Variants in RBL2 observed in about 807,000 individuals in gnomAD.
The protein encoded by RBL2 is RB transcriptional corepressor like 2, also known as retinoblastoma-like protein 2.
Under a neutral mutation model 126.0 loss-of-function variants are expected in RBL2, and 56 were observed. The observed-to-expected ratio is 0.44, with a 90% CI of 0.36 to 0.56. RBL2 has a LOEUF of 0.56. Ranked by LOEUF, RBL2 falls within the 20% of genes least tolerant of loss-of-function variation. The pLI, the probability that RBL2 is intolerant of heterozygous loss-of-function variation, is 0.00. For synonymous variants in RBL2, 454 were observed against 478.5 expected (o/e 0.95, Z 0.67); for missense variants, 1,229 against 1,398.2 (o/e 0.88, Z 1.93).
rs1217172979 is a variant in RBL2 at position 53,479,873 on chromosome 16, T to C, written c.2776-13T>C. 6.5e-7 allele frequency: 1 copy of C among 1,537,426 alleles called. No individual in the cohort carries two copies. On this transcript the variant is annotated splice_polypyrimidine_tract_variant and intron_variant, in intron 18 of 21. Transcript: ENST00000262133. ...ATACTAGTTTATGTCCCCTTCTCAT[T>C]GTTTCTCTAAAGGTGTATAGAAGTG...
intron 15 of RBL2, 83 bp downstream of exon 15, chr16:53,470,268 AG>A: frequency 6.4e-7 from 1 of 1,558,028 alleles, no homozygotes; most frequent in Non-Finnish European, 8.7e-7. Context: ...AGAGTGACAT[AG>A]GGGACAGAGG....
chr16:53,443,410 G>T (rs1478084550), intron 3 of RBL2: 1 of 152,112 alleles, frequency 6.6e-6, no homozygotes, highest in Non-Finnish European at 1.5e-5. Flanking sequence ...GTCAAACTGA[G>T]TAATAAATAA....
chr16:53,440,953 C>CTTTTTTTTT (rs1178378934), intron 2 of RBL2, among the ~76,000 whole-genome samples: 42 of 71,660 alleles, frequency 5.9e-4, no homozygotes, highest in Non-Finnish European at 7.2e-4. Flanking sequence ...TTTTTCAGTT[C>CTTTTTTTTT]TTTTTTTTTT....
At chr16:53,483,223 A>G (rs1477046342) in intron 21 of RBL2, among the ~76,000 whole-genome samples, 1 of 152,186 alleles carries the variant, frequency 6.6e-6, no homozygotes. Flanking sequence ...TGCTCAGTGT[A>G]CTATTTTTTT....
rs764115557 is a variant in RBL2, at chr16:53,479,896, G to C, written c.2786G>C (p.Ser929Thr). The C allele has an allele frequency of 5.0e-6, 8 of 1,599,472 alleles. No individual in the cohort carries two copies. In the Middle Eastern group the frequency reaches 6.7e-4, roughly 133 times the overall value. ...ATTGTTTCTCTAAAGGTGTATAGAAGTGTTTTGATAAAAGGGAAAAGAAAA... is the reference window on the plus strand; with the variant it reads ...ATTGTTTCTCTAAAGGTGTATAGAACTGTTTTGATAAAAGGGAAAAGAAAA... Reference protein sequence around the residue: ...QPQARSQVYRSVLIKGKRKRR... With the variant: ...QPQARSQVYRTVLIKGKRKRR... The change falls in exon 19 of 22, where the codon AGT becomes ACT. Residue 929 changes from serine (S) to threonine (T), a missense_variant. Ser to Thr is a moderately conservative substitution (Grantham distance 58). This residue lies in a region of RBL2 where 1,070 missense variants were observed against 1,274.3 expected (regional missense o/e 0.84). Transcript: ENST00000262133.
chr16:53,469,317 T>TA (rs910861880), intron 14 of RBL2, among the ~76,000 whole-genome samples: 1 of 152,212 alleles, frequency 6.6e-6, no homozygotes, highest in African/African-American at 2.4e-5. Flanking sequence ...TAAACTGTTT[T>TA]AAAAAAATAA....
chr16:53,442,742 A>G lies in RBL2; in HGVS notation c.456A>G (p.Leu152=), dbSNP rs777685995. 1.9e-6 allele frequency: 3 copies of G among 1,613,420 alleles called. No individual in the cohort carries two copies. Among genetic ancestry groups the G allele is most frequent in the Non-Finnish European group, 2.5e-6 (3 of 1,179,338 alleles). Residue 152 remains leucine, a synonymous_variant, in exon 3 of 22, where the codon TTA becomes TTG. Coordinates refer to ENST00000262133, the MANE Select transcript of RBL2 (RefSeq NM_005611.4). ...PPHFRERTER[L]ERNFTVSAVI... ...ATTTCAGAGAACGTACTGAGAGATT[A>G]GAAAGAAACTTCACTGTTTCTGCTG...
chr16:53,449,959 T>C (rs1327948845), intron 4 of RBL2, among the ~76,000 whole-genome samples: 1 of 71,070 alleles, frequency 1.4e-5, no homozygotes, highest in Admixed American at 1.4e-4. Flanking sequence ...CAGTACTGCC[T>C]TTTTTTTTTT....
intron 20 of RBL2, 73 bp downstream of exon 20, chr16:53,480,842 G>A: frequency 6.9e-7 from 1 of 1,443,716 alleles, no homozygotes; most frequent in Non-Finnish European, 9.6e-7. Flanking sequence ...ATTTATATAT[G>A]GACCATTCAC....
Position 53,467,208 on chromosome 16 carries a change from T to G in RBL2, c.1975+39T>G, listed in dbSNP as rs370158675. The stretch of plus-strand genomic sequence containing the variant: ...ACTAGGAGAATATTTTGGGGCTTAC[T>G]ATCTGGAAATTTAAATTTCATCTAA... On this transcript the variant is annotated intron_variant, in intron 14 of 21. Transcript: ENST00000262133. 59 of 1,503,088 alleles carry G rather than the reference T, an allele frequency of 3.9e-5. No individual in the cohort carries two copies. In the African/African-American group the frequency reaches 7.1e-4, roughly 18 times the overall value. 93.1% of individuals were successfully genotyped at this position (1,503,088 alleles called of 1,614,324 possible).
At chr16:53,481,600 CAAT>C (rs1960948776) in intron 20 of RBL2, 68 bp from the exon 21 acceptor site, 6 of 1,332,020 alleles carry the variant, frequency 4.5e-6, no homozygotes, top group Non-Finnish European at 5.0e-6. Flanking sequence ...CCTCTTCACT[CAAT>C]AATCATTTTC....
At chr16:53,467,640 G>A (rs1413569616) in intron 14 of RBL2, among the ~76,000 whole-genome samples, 2 of 152,242 alleles carry the variant, frequency 1.3e-5, no homozygotes, top group Non-Finnish European at 2.9e-5. Context: ...CGCCTACCTC[G>A]TTCTCCCAAA....
chr16:53,474,641 G>T (rs947911468), intron 17 of RBL2, among the ~76,000 whole-genome samples: 2 of 152,104 alleles, frequency 1.3e-5, no homozygotes, highest in Non-Finnish European at 2.9e-5. Context: ...ATGTTGCTAG[G>T]TTTGGTTTGC....
intron 3 of RBL2, among the ~76,000 whole-genome samples, chr16:53,444,889 A>G (rs183573540): frequency 9.8e-5 from 15 of 152,338 alleles, no homozygotes; most frequent in East Asian, 5.8e-4. Context: ...AAGTTTGAAT[A>G]GAAGCTTTGT....
intron 9 of RBL2, among the ~76,000 whole-genome samples, chr16:53,461,434 G>A (rs1485019666): frequency 6.6e-6 from 1 of 152,146 alleles, no homozygotes; most frequent in Non-Finnish European, 1.5e-5. Flanking sequence ...GGAGGTTGCA[G>A]TGAGCCAAGA....
chr16:53,479,879 T>G lies in RBL2; in HGVS notation c.2776-7T>G, dbSNP rs1486522275. Reference sequence around the variant, plus strand: ...GTTTATGTCCCCTTCTCATTGTTTCTCTAAAGGTGTATAGAAGTGTTTTGA... The same window carrying G: ...GTTTATGTCCCCTTCTCATTGTTTCGCTAAAGGTGTATAGAAGTGTTTTGA... On this transcript the variant is annotated splice_region_variant and splice_polypyrimidine_tract_variant and intron_variant, in intron 18 of 21. Transcript: ENST00000262133. The G allele has an allele frequency of 6.4e-7, 1 of 1,565,492 alleles. No individual in the cohort carries two copies. The highest frequency in any genetic ancestry group is 8.8e-7 in the Non-Finnish European group (1 of 1,141,908).
intron 7 of RBL2, 69 bp downstream of exon 7, chr16:53,453,838 T>C: frequency 3.0e-6 from 4 of 1,333,928 alleles, no homozygotes; most frequent in Non-Finnish European, 4.1e-6. Context: ...GAAGTTAGTG[T>C]TTTTATTGTT....
At chr16:53,436,985 G>A (rs546745738) in intron 1 of RBL2, among the ~76,000 whole-genome samples, 53 of 152,056 alleles carry the variant, frequency 3.5e-4, no homozygotes, top group African/African-American at 1.3e-3. Flanking sequence ...TCTAAGCACT[G>A]TAAAATTCTC....
chr16:53,479,369 T>C, intron 18 of RBL2, 144 bp downstream of exon 18: 1 of 641,224 alleles, frequency 1.6e-6, no homozygotes, highest in Non-Finnish European at 2.7e-6. Flanking sequence ...CTTTAATCTT[T>C]ATTCTTGATG....
Sources: allele counts gnomAD v4.1 joint callset (sites outside exome capture counted in the v4.1 genomes callset), GRCh38; gene constraint gnomAD v4.1.1; regional missense constraint gnomAD v4.1.1; transcripts MANE v1.5; gene names NCBI Gene and HGNC (gene_info 2026-07-23, HGNC 2026-07-21).